The following STARD3 variants were observed in gnomAD, a reference collection of about 807,000 sequenced individuals.
STARD3 encodes StAR related lipid transfer domain containing 3.
STARD3 carries 39 observed loss-of-function variants against 62.0 expected under a neutral mutation model. That is an observed-to-expected ratio of 0.63 (90% CI 0.49 to 0.82). The LOEUF (loss-of-function observed/expected upper bound fraction) is 0.82. Ranked by LOEUF, STARD3 falls within the 40% of genes least tolerant of loss-of-function variation. The pLI is 0.00. For missense variants in STARD3, 543 were observed against 584.5 expected (o/e 0.93, Z 0.73); for synonymous variants, 229 against 242.4 (o/e 0.94, Z 0.51).
chr17:39,657,244 G>A (rs535288557), intron 3 of STARD3, among the ~76,000 whole-genome samples, 159 bp downstream of exon 3: 48 of 152,236 alleles, frequency 3.2e-4, no homozygotes, highest in African/African-American at 1.1e-3. Context: ...TGCTCCACAA[G>A]GCTGGGCGCA....
chr17:39,658,866 T>A (rs2057162309), intron 7 of STARD3, 46 bp downstream of exon 7: 1 of 1,603,102 alleles, frequency 6.2e-7, no homozygotes, highest in African/African-American at 1.3e-5. Context: ...AGGGGCCTTG[T>A]GAGGAATGGG....
At chr17:39,646,938 A>G (rs1212361609) in intron 1 of STARD3, among the ~76,000 whole-genome samples, 1 of 151,820 alleles carries the variant, frequency 6.6e-6, no homozygotes, top group African/African-American at 2.4e-5. Flanking sequence ...GTGGTGGCTC[A>G]CGCCTATAAT....
intron 2 of STARD3, among the ~76,000 whole-genome samples, chr17:39,656,097 T>C (rs994235668): frequency 2.0e-5 from 3 of 152,124 alleles, no homozygotes; most frequent in Non-Finnish European, 4.4e-5. Flanking sequence ...TGGGGTGGGC[T>C]TGAGGAAGAG....
chr17:39,648,422 A>G (rs74682567), intron 1 of STARD3, among the ~76,000 whole-genome samples: 8,439 of 152,278 alleles, frequency 0.055, 379 homozygotes, highest in Non-Finnish European at 0.073. Context: ...AGCCATGTTC[A>G]CGCCTCTGGA....
intron 1 of STARD3, among the ~76,000 whole-genome samples, chr17:39,650,389 C>T (rs1471143912): frequency 6.6e-6 from 1 of 152,190 alleles, no homozygotes; most frequent in African/African-American, 2.4e-5. Flanking sequence ...GCACGGCCCT[C>T]CCAATACCTT....
Position 39,660,566 on chromosome 17 carries a change from G to C in STARD3, c.954+40G>C, listed in dbSNP as rs377032327. The C allele has an allele frequency of 9.4e-6, 15 of 1,599,766 alleles. No individual in the cohort carries two copies. The East Asian group carries it at 3.4e-4, about 36-fold the overall frequency. On this transcript the variant is annotated intron_variant, in intron 11 of 14. Coordinates refer to ENST00000336308, the MANE Select transcript of STARD3 (RefSeq NM_006804.4). This position sits in a 1 kb window ranked among gnomAD's most constrained non-coding sequence, Gnocchi z 4.8. ...GCTGCCTCTTAAGGCACAGATGGGGGCACAGCCACGCCTCAGTGGGATCAC... is the reference window on the plus strand; with the variant it reads ...GCTGCCTCTTAAGGCACAGATGGGGCCACAGCCACGCCTCAGTGGGATCAC...
At chr17:39,653,397 G>A (rs145649095) in intron 1 of STARD3, 84 bp from the exon 2 acceptor site, 13 of 928,012 alleles carry the variant, frequency 1.4e-5, no homozygotes, top group East Asian at 1.3e-4. Flanking sequence ...AGACAAATGC[G>A]TTTGGGAGCC....
chr17:39,658,143 A>G, intron 5 of STARD3, 117 bp downstream of exon 5: 1 of 1,176,800 alleles, frequency 8.5e-7, no homozygotes, highest in Non-Finnish European at 1.2e-6. Context: ...TTAGGGGGAG[A>G]GGGAATCCTG....
intron 1 of STARD3, among the ~76,000 whole-genome samples, chr17:39,640,632 A>G (rs1338423527): frequency 1.3e-5 from 2 of 151,394 alleles, no homozygotes; most frequent in East Asian, 1.9e-4. Flanking sequence ...ACTGGTTTAC[A>G]TAGCAGCACG....
intron 1 of STARD3, among the ~76,000 whole-genome samples, chr17:39,645,841 C>T (rs148643568): frequency 6.6e-6 from 1 of 150,668 alleles, no homozygotes; most frequent in African/African-American, 2.4e-5. Flanking sequence ...CCTCCTGACA[C>T]CTACCTCAAC....
chr17:39,648,824 C>A (rs2057051018), intron 1 of STARD3, among the ~76,000 whole-genome samples: 1 of 152,244 alleles, frequency 6.6e-6, no homozygotes, highest in Non-Finnish European at 1.5e-5. Flanking sequence ...CTCGCTTCGA[C>A]AGGGACGTCT....
chr17:39,642,396 C>A (rs2056989666), intron 1 of STARD3, among the ~76,000 whole-genome samples: 1 of 152,180 alleles, frequency 6.6e-6, no homozygotes, highest in Non-Finnish European at 1.5e-5. Flanking sequence ...AGGGAAGACC[C>A]CCACAGAGGG....
At position 39,660,564 on chromosome 17, in the gene STARD3, G is replaced by T; in HGVS notation, c.954+38G>T. On this transcript the variant is annotated intron_variant, in intron 11 of 14. Transcript: ENST00000336308. The surrounding 1 kb of genome is among the most constrained non-coding windows in gnomAD (Gnocchi z 4.8). ...TGGCTGCCTCTTAAGGCACAGATGGGGGCACAGCCACGCCTCAGTGGGATC... is the reference window on the plus strand; with the variant it reads ...TGGCTGCCTCTTAAGGCACAGATGGTGGCACAGCCACGCCTCAGTGGGATC... 6.2e-7 allele frequency: 1 copy of T among 1,606,130 alleles called. No homozygotes were observed.
At chr17:39,645,539 G>A (rs373497097) in intron 1 of STARD3, among the ~76,000 whole-genome samples, 5 of 151,750 alleles carry the variant, frequency 3.3e-5, no homozygotes, top group Non-Finnish European at 5.9e-5. Flanking sequence ...GTGTGATCTC[G>A]GCTCACTGCA....
At chr17:39,646,350 T>C (rs1212448838) in intron 1 of STARD3, among the ~76,000 whole-genome samples, 1 of 152,166 alleles carries the variant, frequency 6.6e-6, no homozygotes, top group Non-Finnish European at 1.5e-5. Context: ...CCTCCCCGGC[T>C]CAAGTGATCC....
At position 39,641,865 on chromosome 17, in the gene STARD3, G is replaced by A. The variant is rs1387859387; in HGVS notation, c.-52+4634G>A. On this transcript the variant is annotated intron_variant, in intron 1 of 14. Transcript: ENST00000336308. ...CAGGGTGGACATTATGGATCCACAG[G>A]CTAACTTACTAGACATGTATCATGG... 5.3e-5 allele frequency among the ~76,000 whole-genome samples: 8 copies of A among 152,220 alleles called. No individual in the cohort carries two copies. In the East Asian group the frequency reaches 1.5e-3, roughly 29 times the overall value.
chr17:39,658,645 G>C lies in STARD3; in HGVS notation c.548-77G>C, dbSNP rs759797270. The C allele has an allele frequency of 1.9e-6, 3 of 1,587,878 alleles. No homozygotes were observed. In the Admixed American group the frequency reaches 5.0e-5, roughly 26 times the overall value. ...CTCTGAGCAGCCTCCAGTAGCCTGA[G>C]GGGGAGCTTGGGTGGGGGTACCCCA... On this transcript the variant is annotated intron_variant, in intron 6 of 14. Coordinates refer to ENST00000336308, the MANE Select transcript of STARD3 (RefSeq NM_006804.4).
At position 39,653,488 on chromosome 17, in the gene STARD3, G is replaced by C; in HGVS notation, c.-44G>C. On this transcript the variant is annotated 5_prime_UTR_variant, in exon 2 of 15. Coordinates refer to ENST00000336308, the MANE Select transcript of STARD3 (RefSeq NM_006804.4). Reference sequence around the variant, plus strand: ...CCTCTGCCTCGCCCCCAGCCCTGCTGCTGAGGCCGCGCCCTCCCCGCCCTG... The same window carrying C: ...CCTCTGCCTCGCCCCCAGCCCTGCTCCTGAGGCCGCGCCCTCCCCGCCCTG... 6.3e-7 allele frequency: 1 copy of C among 1,588,642 alleles called. No homozygotes were observed. The highest frequency in any genetic ancestry group is 1.1e-5 in the South Asian group (1 of 90,470).
At position 39,660,904 on chromosome 17, in the gene STARD3, G is replaced by A. The variant is rs1214373324; in HGVS notation, c.1034+15G>A. ...GTCTCCCCAAGGTGAGTCCATGCCG[G>A]GCCCCCTCCTTTCAGCCAGGTCTTC... is the stretch of plus-strand genomic sequence containing the variant. On this transcript the variant is annotated intron_variant, in intron 12 of 14. Coordinates refer to ENST00000336308, the MANE Select transcript of STARD3 (RefSeq NM_006804.4). This position sits in a 1 kb window ranked among gnomAD's most constrained non-coding sequence, Gnocchi z 4.8. 6.2e-7 allele frequency: 1 copy of A among 1,605,666 alleles called. No homozygotes were observed. Among genetic ancestry groups the A allele is most frequent in the South Asian group, 1.1e-5 (1 of 90,552 alleles).
Sources: allele counts gnomAD v4.1 joint callset (sites outside exome capture counted in the v4.1 genomes callset), GRCh38; gene constraint gnomAD v4.1.1; non-coding constraint Gnocchi (gnomAD v3.1); transcripts MANE v1.5; gene names NCBI Gene and HGNC (gene_info 2026-07-23, HGNC 2026-07-21).